UIMC1: variants seen among roughly 807,000 people sequenced by gnomAD.
UIMC1 encodes the protein ubiquitin interaction motif containing 1.
A neutral mutation model predicts 84.9 loss-of-function variants in UIMC1; 42 were observed. That is an observed-to-expected ratio of 0.49 (90% CI 0.39 to 0.64). The LOEUF (loss-of-function observed/expected upper bound fraction) is 0.64, where lower values mean the gene tolerates loss of function less well. Among genes scored for constraint, UIMC1 ranks in the 30% least tolerant of loss-of-function variants. The pLI is 0.00. For missense variants in UIMC1, 825 were observed against 847.6 expected (o/e 0.97, Z 0.33); for synonymous variants, 281 against 293.0 (o/e 0.96, Z 0.42).
chr5:176,958,142 T>C lies in UIMC1; in HGVS notation c.1213A>G (p.Ile405Val). ...CCCTCTTCAGAAGTTTCTTCAACAATCCCTTGGGAAGACTGCAAAGAAATA... is the reference window on the plus strand; with the variant it reads ...CCCTCTTCAGAAGTTTCTTCAACAACCCCTTGGGAAGACTGCAAAGAAATA... ...TTSHGQSSQGIVEETSEEGNS... is the reference protein window; with the variant it reads ...TTSHGQSSQGVVEETSEEGNS... The change falls in exon 7 of 15, where the codon ATT becomes GTT. Residue 405 changes from isoleucine to valine, a missense_variant. Coordinates refer to ENST00000511320, the MANE Select transcript of UIMC1 (RefSeq NM_001199298.2). 6.2e-7 allele frequency: 1 copy of C among 1,613,766 alleles called. No homozygotes were observed. The highest frequency in any genetic ancestry group is 8.5e-7 in the Non-Finnish European group (1 of 1,179,744).
chr5:177,022,393 T>C (rs1184741439), intron 1 of UIMC1: 1 of 249,026 alleles, frequency 4.0e-6, no homozygotes, highest in African/African-American at 2.3e-5. Context: ...AGTTTCCCTG[T>C]GAATGAAATG....
At chr5:176,954,791 A>T (rs1351717940) in intron 8 of UIMC1, among the ~76,000 whole-genome samples, 1 of 151,666 alleles carries the variant, frequency 6.6e-6, no homozygotes, top group Non-Finnish European at 1.5e-5. Context: ...TCCGATTTTT[A>T]AAATAAATAA....
chr5:176,975,269 G>T, intron 3 of UIMC1, 127 bp downstream of exon 3: 1 of 915,736 alleles, frequency 1.1e-6, no homozygotes, highest in Non-Finnish European at 1.6e-6. Flanking sequence ...AACAAAAACT[G>T]ATAAATTCAC....
intron 1 of UIMC1, among the ~76,000 whole-genome samples, chr5:177,002,798 A>AAAT (rs140122034): frequency 0.042 from 6,339 of 151,896 alleles, 302 homozygotes; most frequent in African/African-American, 0.11. Context: ...TCTGTCTCAA[A>AAAT]AATAATAATA....
intron 7 of UIMC1, among the ~76,000 whole-genome samples, chr5:176,957,372 G>A (rs1024459958): frequency 1.3e-5 from 2 of 152,022 alleles, no homozygotes; most frequent in African/African-American, 4.8e-5. Context: ...TAGATAAAAA[G>A]GGCAAGTGGA....
chr5:177,014,753 G>A (rs1421936984), intron 1 of UIMC1, among the ~76,000 whole-genome samples: 1 of 151,992 alleles, frequency 6.6e-6, no homozygotes, highest in Non-Finnish European at 1.5e-5. Context: ...AAGGCAAAGG[G>A]GTGTGAAAGG....
At chr5:176,932,470 C>T (rs1763219092) in intron 10 of UIMC1, among the ~76,000 whole-genome samples, 2 of 151,634 alleles carry the variant, frequency 1.3e-5, no homozygotes, top group African/African-American at 2.4e-5. Flanking sequence ...TGATGTAATA[C>T]GGGGGGGCGG....
Position 176,982,623 on chromosome 5 carries a change from T to C in UIMC1, c.-8A>G, listed in dbSNP as rs140622166. The C allele has an allele frequency of 0.013, 20,562 of 1,610,928 alleles. 178 individuals carry two copies. The highest frequency in any genetic ancestry group is 0.026 in the South Asian group (2,333 of 90,510). On this transcript the variant is annotated splice_region_variant and 5_prime_UTR_variant, in exon 2 of 15. Coordinates refer to ENST00000511320, the MANE Select transcript of UIMC1 (RefSeq NM_001199298.2). ...TTTCTTTCTCCGTGGCATCCTTTTGTCTAGAATAAAAGGACAATAATTTTG... is the reference window on the plus strand; with the variant it reads ...TTTCTTTCTCCGTGGCATCCTTTTGCCTAGAATAAAAGGACAATAATTTTG...
At position 176,956,226 on chromosome 5, in the gene UIMC1, G is replaced by C. The variant is rs139925001; in HGVS notation, c.1263-191C>G. On this transcript the variant is annotated intron_variant, in intron 7 of 14. Transcript: ENST00000511320. ...GACCAGAAATATGGAAAATAAATAT[G>C]CTTACAACTTCAGTTCCAGTGAAAT... Among the ~76,000 whole-genome samples, 399 of 152,344 alleles carry C rather than the reference G, an allele frequency of 2.6e-3. 1 individual carries two copies. The highest frequency in any genetic ancestry group is 6.1e-3 in the Admixed American group (93 of 15,306).
chr5:176,978,333 A>ACCGCAC (rs1770474388), intron 2 of UIMC1, among the ~76,000 whole-genome samples: 1 of 152,170 alleles, frequency 6.6e-6, no homozygotes, highest in Non-Finnish European at 1.5e-5. Flanking sequence ...AGATGGCGCC[A>ACCGCAC]CCGCACTCCA....
intron 10 of UIMC1, among the ~76,000 whole-genome samples, chr5:176,923,586 G>A (rs769609755): frequency 1.5e-4 from 22 of 150,618 alleles, no homozygotes; most frequent in Non-Finnish European, 2.8e-4. Flanking sequence ...AAATAAGGTC[G>A]GGCACGGTGG....
chr5:176,945,647 T>C (rs1765000909), intron 9 of UIMC1, among the ~76,000 whole-genome samples: 1 of 152,178 alleles, frequency 6.6e-6, no homozygotes, highest in Non-Finnish European at 1.5e-5. Flanking sequence ...GGGGAGCCTA[T>C]AAACAGACGC....
chr5:176,997,456 A>G (rs535900554), intron 1 of UIMC1, among the ~76,000 whole-genome samples: 1,626 of 152,184 alleles, frequency 0.011, 11 homozygotes, highest in South Asian at 0.025. Context: ...AGGCCGAGGC[A>G]GGCGGATCAC....
chr5:177,007,024 G>A (rs1405700995), upstream of UIMC1, among the ~76,000 whole-genome samples: 2 of 152,162 alleles, frequency 1.3e-5, no homozygotes, highest in Non-Finnish European at 2.9e-5. Flanking sequence ...TCCATTTTAT[G>A]ACCCAGCAAT....
chr5:176,905,875 G>A (rs541958703), intron 14 of UIMC1, 136 bp downstream of exon 14: 2 of 892,304 alleles, frequency 2.2e-6, no homozygotes, highest in African/African-American at 1.7e-5. Context: ...GAGTCATACT[G>A]AGAGAGAGGT....
rs1209664078 is a variant in UIMC1, at chr5:176,912,672, AT to A, written c.1598-1284del. On this transcript the variant is annotated intron_variant, in intron 10 of 14. Coordinates refer to ENST00000511320, the MANE Select transcript of UIMC1 (RefSeq NM_001199298.2). The stretch of plus-strand genomic sequence containing the variant: ...TATTTGTATTTTTAAATTTTTATTT[AT>A]TTTTTTTTTTGAGATGGAGTCTCGC... 1.2e-3 allele frequency among the ~76,000 whole-genome samples: 166 copies of A among 134,628 alleles called. 1 individual carries two copies. In the Middle Eastern group the frequency reaches 0.023, roughly 19 times the overall value. 88.3% of individuals were successfully genotyped at this position (134,628 alleles called of 152,430 possible).
chr5:176,948,359 T>G (rs182189412), intron 9 of UIMC1, among the ~76,000 whole-genome samples: 247 of 152,248 alleles, frequency 1.6e-3, no homozygotes, highest in African/African-American at 5.7e-3. Context: ...AGCAGTAAAA[T>G]AATATGACTT....
chr5:176,979,318 CT>C (rs1206838108), intron 2 of UIMC1, among the ~76,000 whole-genome samples: 1 of 152,070 alleles, frequency 6.6e-6, no homozygotes, highest in Non-Finnish European at 1.5e-5. Flanking sequence ...TAGTCGTTAC[CT>C]TTAGAAAGGT....
At chr5:176,908,872 A>G (rs1010261213) in intron 11 of UIMC1, among the ~76,000 whole-genome samples, 178 bp from the exon 12 acceptor site, 2 of 152,236 alleles carry the variant, frequency 1.3e-5, no homozygotes, top group African/African-American at 4.8e-5. Flanking sequence ...ACGCCAATCA[A>G]AAGGACTGAG....
Sources: gnomAD v4.1 joint callset for allele counts (sites outside exome capture counted in the v4.1 genomes callset) on GRCh38, gnomAD v4.1.1 for gene constraint, MANE v1.5 for transcripts, NCBI Gene and HGNC (gene_info 2026-07-23, HGNC 2026-07-21) for gene names.